Variants in FRMPD2 observed in about 807,000 individuals in gnomAD.
FRMPD2 encodes the protein FERM and PDZ domain containing 2.
A neutral mutation model predicts 140.1 loss-of-function variants in FRMPD2; 96 were observed. The ratio of observed to expected loss-of-function variants is 0.69; its 90% CI spans 0.58 to 0.81. The LOEUF is 0.81. Among genes scored for constraint, FRMPD2 ranks in the 40% least tolerant of loss-of-function variants. The pLI, the probability that FRMPD2 is intolerant of heterozygous loss-of-function variation, is 0.00. For synonymous variants in FRMPD2, 449 were observed against 547.6 expected (o/e 0.82, Z 2.52); for missense variants, 1,240 against 1,447.4 (o/e 0.86, Z 2.32).
chr10:48,242,624 C>T (rs1284929671), intron 4 of FRMPD2, among the ~76,000 whole-genome samples: 1 of 152,220 alleles, frequency 6.6e-6, no homozygotes, highest in Non-Finnish European at 1.5e-5. Flanking sequence ...TTGGAATGCT[C>T]ATGAAAACTA....
intron 12 of FRMPD2, among the ~76,000 whole-genome samples, chr10:48,221,816 A>T (rs1373423259): frequency 1.3e-5 from 2 of 152,072 alleles, no homozygotes; most frequent in Admixed American, 1.3e-4. Flanking sequence ...CTGGATGAAT[A>T]GGTGGATGGG....
At chr10:48,219,219 A>G (rs922222716) in intron 12 of FRMPD2, among the ~76,000 whole-genome samples, 1 of 149,254 alleles carries the variant, frequency 6.7e-6, no homozygotes, top group Non-Finnish European at 1.5e-5. Context: ...GTGTGTGGTT[A>G]ACATTTCTTT....
intron 1 of FRMPD2, 120 bp from the exon 2 acceptor site, chr10:48,251,811 G>T: frequency 8.5e-7 from 1 of 1,180,288 alleles, no homozygotes; most frequent in Non-Finnish European, 1.2e-6. Context: ...CCGGCACTGT[G>T]TTTTCAGCAC....
chr10:48,274,665 C>A lies in FRMPD2; in HGVS notation c.-98G>T. 1 of 1,115,290 alleles carries A rather than the reference C, an allele frequency of 9.0e-7. No individual in the cohort carries two copies. Among genetic ancestry groups the A allele is most frequent in the South Asian group, 1.3e-5 (1 of 76,550 alleles). The allele number at this position is 1,115,290 out of a possible 1,614,324, so 69.1% of individuals were successfully genotyped here. A position where few individuals can be genotyped will look rare whatever the true frequency, so the allele number is the denominator to read the frequency against. ...CAAGTCTGTCCGCGGAGCTCCCTGC[C>A]ACCAGCACTGTTGCCGCTGTCTTTG... On this transcript the variant is annotated 5_prime_UTR_variant, in exon 1 of 29. Transcript: ENST00000374201.
At chr10:48,216,319 G>GATAGATAT (rs72065638) in intron 12 of FRMPD2, among the ~76,000 whole-genome samples, 1 of 152,156 alleles carries the variant, frequency 6.6e-6, no homozygotes, top group African/African-American at 2.4e-5. Flanking sequence ...TAGATAGATA[G>GATAGATAT]ATAGATAGAT....
At chr10:48,173,965 C>CA (rs1245309362) in intron 24 of FRMPD2, among the ~76,000 whole-genome samples, 1 of 152,214 alleles carries the variant, frequency 6.6e-6, no homozygotes, top group African/African-American at 2.4e-5. Flanking sequence ...CTTAAGCTGC[C>CA]AGGAGGCCAG....
chr10:48,256,046 A>G (rs938955880), intron 1 of FRMPD2, among the ~76,000 whole-genome samples: 2 of 152,264 alleles, frequency 1.3e-5, no homozygotes, highest in African/African-American at 4.8e-5. Flanking sequence ...TGCAACCCAC[A>G]CTGCAAAGCC....
intron 12 of FRMPD2, among the ~76,000 whole-genome samples, chr10:48,215,424 T>C (rs1478167216): frequency 2.6e-5 from 4 of 152,296 alleles, no homozygotes; most frequent in East Asian, 3.9e-4. Flanking sequence ...TGAGCCCTGG[T>C]TGCGCTCTTT....
At chr10:48,229,026 A>C (rs1839791442) in intron 10 of FRMPD2, among the ~76,000 whole-genome samples, 1 of 152,086 alleles carries the variant, frequency 6.6e-6, no homozygotes, top group Non-Finnish European at 1.5e-5. Flanking sequence ...ATTGAGCCTT[A>C]ATATCAATAG....
chr10:48,239,953 T>C (rs923348896), intron 6 of FRMPD2, among the ~76,000 whole-genome samples: 4 of 152,192 alleles, frequency 2.6e-5, no homozygotes, highest in Non-Finnish European at 5.9e-5. Flanking sequence ...AACATTAATT[T>C]TTTTAAAAAA....
intron 5 of FRMPD2, 65 bp from the exon 6 acceptor site, chr10:48,240,557 T>C (rs1840084325): frequency 3.8e-6 from 6 of 1,595,608 alleles, no homozygotes; most frequent in South Asian, 2.2e-5. Context: ...TATAGATACA[T>C]GCAAACTGGC....
At chr10:48,272,780 C>T (rs1173729648) in intron 1 of FRMPD2, among the ~76,000 whole-genome samples, 5 of 152,214 alleles carry the variant, frequency 3.3e-5, no homozygotes, top group Non-Finnish European at 5.9e-5. Context: ...ATTGGGAAAA[C>T]ACTCTTCCAA....
At chr10:48,245,927 GGTT>G (rs1274229018) in intron 3 of FRMPD2, among the ~76,000 whole-genome samples, 2 of 152,192 alleles carry the variant, frequency 1.3e-5, no homozygotes, top group Non-Finnish European at 2.9e-5. Context: ...TAATACAAGT[GGTT>G]TTAGTTTTTG....
intron 13 of FRMPD2, among the ~76,000 whole-genome samples, chr10:48,208,189 T>C (rs1025298126): frequency 3.3e-5 from 5 of 152,210 alleles, no homozygotes; most frequent in Admixed American, 6.5e-5. Context: ...CACAAGATAA[T>C]AGGCAGACGC....
chr10:48,249,278 G>T, intron 2 of FRMPD2, 100 bp from the exon 3 acceptor site: 1 of 1,146,344 alleles, frequency 8.7e-7, no homozygotes. Context: ...CCCATCTCTG[G>T]GACTGAATGT....
chr10:48,246,291 C>T (rs1840246974), intron 3 of FRMPD2, among the ~76,000 whole-genome samples: 1 of 152,236 alleles, frequency 6.6e-6, no homozygotes, highest in African/African-American at 2.4e-5. Flanking sequence ...CTCCAGCATC[C>T]TGAGCACTGC....
intron 13 of FRMPD2, among the ~76,000 whole-genome samples, chr10:48,208,710 C>T (rs1839253440): frequency 6.6e-6 from 1 of 152,176 alleles, no homozygotes; most frequent in Admixed American, 6.5e-5. Context: ...TAGGGAGTCT[C>T]CTAGGATGCT....
In FRMPD2 at chr10:48,232,308, T is replaced by C; in HGVS notation, c.994-19A>G. 1 of 1,570,588 alleles carries C rather than the reference T, an allele frequency of 6.4e-7. No homozygotes were observed. Among genetic ancestry groups the C allele is most frequent in the Non-Finnish European group, 8.7e-7 (1 of 1,150,372 alleles). On this transcript the variant is annotated intron_variant, in intron 9 of 28. Coordinates refer to ENST00000374201, the MANE Select transcript of FRMPD2 (RefSeq NM_001018071.4). ...TTTTGGTCTGAAAACAACAACAGTA[T>C]CAATTATACTACAATTATAAGTCAT...
Position 48,260,222 on chromosome 10 carries a change from G to C in FRMPD2, c.26-8531C>G, listed in dbSNP as rs138981243. 2.1e-3 allele frequency among the ~76,000 whole-genome samples: 323 copies of C among 152,072 alleles called. 2 individuals carry two copies. Among genetic ancestry groups the C allele is most frequent in the African/African-American group, 7.5e-3 (311 of 41,482 alleles). On this transcript the variant is annotated intron_variant, in intron 1 of 28. Coordinates refer to ENST00000374201, the MANE Select transcript of FRMPD2 (RefSeq NM_001018071.4). ...ATAGATCTATATACATATATGTATA[G>C]ATAGATATAGATAGATATCTTATAT... is the stretch of plus-strand genomic sequence containing the variant.
Sources: allele counts gnomAD v4.1 joint callset (sites outside exome capture counted in the v4.1 genomes callset), GRCh38; gene constraint gnomAD v4.1.1; transcripts MANE v1.5; gene names NCBI Gene and HGNC (gene_info 2026-07-23, HGNC 2026-07-21).